The following FARP1 variants were observed in gnomAD, a reference collection of about 807,000 sequenced individuals.
FARP1 encodes FERM, ARHGEF and pleckstrin domain-containing protein 1.
A neutral mutation model predicts 128.8 loss-of-function variants in FARP1; 52 were observed. The observed-to-expected ratio is 0.40, with a 90% CI of 0.32 to 0.51. The LOEUF (loss-of-function observed/expected upper bound fraction) is 0.51. FARP1 is among the 20% of genes least tolerant of loss of function. FARP1 has a pLI of 0.45. For missense variants in FARP1, 1,333 were observed against 1,367.9 expected, an observed-to-expected ratio of 0.97 and a Z score of 0.40; for synonymous variants, 580 against 551.8, an observed-to-expected ratio of 1.05 and a Z score of -0.72.
chr13:98,425,967 T>C (rs1891771509), intron 17 of FARP1, among the ~76,000 whole-genome samples: 1 of 152,206 alleles, frequency 6.6e-6, no homozygotes, highest in African/African-American at 2.4e-5. Flanking sequence ...CCAGAGCCTG[T>C]ATGACAACCT....
intron 2 of FARP1, among the ~76,000 whole-genome samples, chr13:98,285,862 T>C (rs1885140757): frequency 6.6e-6 from 1 of 152,130 alleles, no homozygotes; most frequent in Admixed American, 6.5e-5. Flanking sequence ...GCCAGAAAAA[T>C]GATCCCAAGC....
intron 5 of FARP1, among the ~76,000 whole-genome samples, chr13:98,369,569 T>C (rs1166343024): frequency 6.7e-6 from 1 of 149,940 alleles, no homozygotes; most frequent in Non-Finnish European, 1.5e-5. Flanking sequence ...CCTGTGTCCA[T>C]GTGTTCTCAT....
intron 22 of FARP1, 29 bp from the exon 23 acceptor site, chr13:98,440,094 C>T: frequency 6.2e-7 from 1 of 1,610,244 alleles, no homozygotes; most frequent in South Asian, 1.1e-5. Context: ...GTGCTGTGGC[C>T]TGAACACCTG....
At chr13:98,259,538 T>G (rs140678942) in intron 2 of FARP1, among the ~76,000 whole-genome samples, 235 of 152,294 alleles carry the variant, frequency 1.5e-3, no homozygotes, top group African/African-American at 5.5e-3. Context: ...AGGGGACCAG[T>G]GTTTTGCCCC....
intron 13 of FARP1, among the ~76,000 whole-genome samples, chr13:98,409,054 C>A (rs776579967): frequency 2.0e-5 from 3 of 152,144 alleles, no homozygotes; most frequent in Non-Finnish European, 4.4e-5. Flanking sequence ...ATTCCTATTT[C>A]GGGATACACT....
rs1890075723 is a variant in FARP1, at chr13:98,385,887, C to T, written c.759+73C>T. ...AAGAGCTGGCCCTTCAACTCTGATT[C>T]ATATTCAGTGGGCTAAGACCTCTGA... On this transcript the variant is annotated intron_variant, in intron 8 of 26. Coordinates refer to ENST00000319562, the MANE Select transcript of FARP1 (RefSeq NM_005766.4). 5 of 1,495,196 alleles carry T rather than the reference C, an allele frequency of 3.3e-6. No homozygotes were observed. The South Asian group carries it at 3.4e-5, about 10-fold the overall frequency. The allele number at this position is 1,495,196 out of a possible 1,614,324, so 92.6% of individuals were successfully genotyped here. A position where few individuals can be genotyped will look rare whatever the true frequency, so the allele number is the denominator to read the frequency against.
intron 2 of FARP1, among the ~76,000 whole-genome samples, chr13:98,236,331 C>T (rs992934561): frequency 2.8e-4 from 43 of 152,258 alleles, no homozygotes; most frequent in Admixed American, 8.5e-4. Context: ...CTTCCAAACA[C>T]GATTTAATTA....
At chr13:98,423,631 G>T (rs111558004) in intron 16 of FARP1, among the ~76,000 whole-genome samples, 49 of 152,334 alleles carry the variant, frequency 3.2e-4, no homozygotes, top group African/African-American at 1.1e-3. Flanking sequence ...GCTGGCTCCT[G>T]TGCGAGTTCA....
intron 1 of FARP1, among the ~76,000 whole-genome samples, chr13:98,148,204 C>T (rs1322385280): frequency 4.6e-5 from 7 of 152,144 alleles, no homozygotes; most frequent in Non-Finnish European, 1.0e-4. Context: ...CATGGAGAAA[C>T]CCCGTCTCTA....
rs893481212 is a variant in FARP1 at position 98,184,124 on chromosome 13, G to GT, written c.-23-29087dup. Among the ~76,000 whole-genome samples, 136 of 150,834 alleles carry GT rather than the reference G, an allele frequency of 9.0e-4. 1 individual carries two copies. The highest frequency in any genetic ancestry group is 1.1e-3 in the African/African-American group (47 of 41,154). On this transcript the variant is annotated intron_variant, in intron 1 of 26. Coordinates refer to ENST00000319562, the MANE Select transcript of FARP1 (RefSeq NM_005766.4). ...AGCCAGCAAGCATTGTTTTTTGTTT[G>GT]TTTTTTTTTGAGATGGAGTTTTCAC...
At chr13:98,182,156 G>T (rs1418808804) in intron 1 of FARP1, among the ~76,000 whole-genome samples, 2 of 151,958 alleles carry the variant, frequency 1.3e-5, no homozygotes, top group Non-Finnish European at 2.9e-5. Flanking sequence ...GAATTTTACA[G>T]TGTGAAGGAT....
At chr13:98,396,359 A>C in intron 13 of FARP1, 1 of 399,164 alleles carries the variant, frequency 2.5e-6, no homozygotes, top group Non-Finnish European at 4.4e-6. Flanking sequence ...CCCGGGAGTC[A>C]GCCCCTCATA....
rs35204639 is a variant in FARP1, at chr13:98,287,800, C to CTTTT, written c.172-55945_172-55942dup. Among the ~76,000 whole-genome samples, 16 of 116,672 alleles carry CTTTT rather than the reference C, an allele frequency of 1.4e-4. 1 individual carries two copies. Among genetic ancestry groups the CTTTT allele is most frequent in the East Asian group, 2.6e-4 (1 of 3,884 alleles). 76.5% of individuals were successfully genotyped at this position (116,672 alleles called of 152,430 possible). A position where few individuals can be genotyped will look rare whatever the true frequency, so the allele number is the denominator to read the frequency against. On this transcript the variant is annotated intron_variant, in intron 2 of 26. Transcript: ENST00000319562. ...TGGTTATGCCATGTCCCAGGCACTT[C>CTTTT]TTTTTTTTTTTTTTTTTTTTGAGAC...
chr13:98,324,010 C>G (rs1283826434), intron 2 of FARP1, among the ~76,000 whole-genome samples: 1 of 152,170 alleles, frequency 6.6e-6, no homozygotes, highest in Non-Finnish European at 1.5e-5. Context: ...TGAACTATGT[C>G]TGAGGAGTTG....
intron 2 of FARP1, among the ~76,000 whole-genome samples, chr13:98,284,852 G>A (rs1423696619): frequency 1.3e-5 from 2 of 152,196 alleles, no homozygotes; most frequent in Admixed American, 1.3e-4. Flanking sequence ...GCTAGCTATT[G>A]ACTCTCCTTG....
At chr13:98,444,380 A>G (rs1892689376) in intron 24 of FARP1, among the ~76,000 whole-genome samples, 1 of 152,014 alleles carries the variant, frequency 6.6e-6, no homozygotes, top group South Asian at 2.1e-4. Flanking sequence ...CCAAGAAGGG[A>G]GAGGAGCGGT....
intron 16 of FARP1, among the ~76,000 whole-genome samples, chr13:98,414,773 G>A (rs1195199915): frequency 6.6e-6 from 1 of 152,150 alleles, no homozygotes; most frequent in African/African-American, 2.4e-5. Flanking sequence ...CGGCACTCCT[G>A]CAGAGCACTA....
intron 24 of FARP1, among the ~76,000 whole-genome samples, chr13:98,442,875 G>T (rs1282457592): frequency 6.6e-6 from 1 of 152,226 alleles, no homozygotes; most frequent in Non-Finnish European, 1.5e-5. Context: ...TGTGAATTAC[G>T]ACTCTCAAGG....
chr13:98,330,648 G>T (rs537339118), intron 2 of FARP1, among the ~76,000 whole-genome samples: 2 of 151,882 alleles, frequency 1.3e-5, no homozygotes, highest in Admixed American at 1.3e-4. Context: ...CCAGCTACTC[G>T]AGAGGCTGAG....
Sources: gnomAD v4.1 joint callset for allele counts (sites outside exome capture counted in the v4.1 genomes callset) on GRCh38, gnomAD v4.1.1 for gene constraint, MANE v1.5 for transcripts, NCBI Gene and HGNC (gene_info 2026-07-23, HGNC 2026-07-21) for gene names.